The following CADM2 variants were observed in gnomAD, a reference collection of about 807,000 sequenced individuals.
The protein encoded by CADM2 is immunoglobulin superfamily member 4D.
Under a neutral mutation model 49.8 loss-of-function variants are expected in CADM2, and 12 were observed. The observed-to-expected ratio is 0.24, with a 90% CI of 0.15 to 0.39. The LOEUF (loss-of-function observed/expected upper bound fraction) is 0.39. Among genes scored for constraint, CADM2 ranks in the 10% least tolerant of loss-of-function variants. CADM2 has a pLI of 1.00. For missense variants in CADM2, 378 were observed against 492.3 expected, an observed-to-expected ratio of 0.77 and a Z score of 2.20; for synonymous variants, 214 against 175.4, an observed-to-expected ratio of 1.22 and a Z score of -1.74.
intron 1 of CADM2, among the ~76,000 whole-genome samples, chr3:85,162,771 C>T (rs562701372): frequency 6.6e-6 from 1 of 151,910 alleles, no homozygotes; most frequent in South Asian, 2.1e-4. Flanking sequence ...ATTTTAATTA[C>T]ACAACAGAAA....
At chr3:85,297,329 G>A (rs989450317) in intron 1 of CADM2, among the ~76,000 whole-genome samples, 1 of 152,076 alleles carries the variant, frequency 6.6e-6, no homozygotes, top group African/African-American at 2.4e-5. Context: ...TTGAAGGGTA[G>A]AGTGAACTCT....
chr3:85,955,581 G>T (rs189260176), intron 7 of CADM2, among the ~76,000 whole-genome samples: 6,025 of 151,606 alleles, frequency 0.04, 236 homozygotes, highest in East Asian at 0.13. Context: ...GAAAAGATTA[G>T]AAGTACTGTC....
At chr3:85,295,679 C>T (rs1395523684) in intron 1 of CADM2, among the ~76,000 whole-genome samples, 2 of 151,922 alleles carry the variant, frequency 1.3e-5, no homozygotes, top group Non-Finnish European at 2.9e-5. Flanking sequence ...TCTCAGTAAA[C>T]TATCGCAAGA....
rs529668289 is a variant in CADM2 at position 85,921,749 on chromosome 3, C to T, written c.700+9206C>T. On this transcript the variant is annotated intron_variant, in intron 6 of 9. Transcript: ENST00000383699. The stretch of plus-strand genomic sequence containing the variant: ...ACATGTGTATAATGTCATGTATCTA[C>T]TGTTATCTCTCTCTCTCTCTCTCTC... Among the ~76,000 whole-genome samples, 5 of 151,160 alleles carry T rather than the reference C, an allele frequency of 3.3e-5. No individual in the cohort carries two copies. The East Asian group carries it at 7.8e-4, about 23-fold the overall frequency.
At chr3:86,018,455 T>C (rs1302758080) in intron 8 of CADM2, among the ~76,000 whole-genome samples, 260 of 152,064 alleles carry the variant, frequency 1.7e-3, no homozygotes, top group Middle Eastern at 3.4e-3. Flanking sequence ...ATCGCCACAC[T>C]GACTTCCACA....
At chr3:85,046,799 T>A (rs2035676607) in intron 1 of CADM2, among the ~76,000 whole-genome samples, 1 of 152,084 alleles carries the variant, frequency 6.6e-6, no homozygotes. Flanking sequence ...ATCATGAAAA[T>A]ATATATTTTT....
chr3:85,338,629 A>T (rs1418524637), intron 1 of CADM2, among the ~76,000 whole-genome samples: 2 of 151,546 alleles, frequency 1.3e-5, no homozygotes, highest in African/African-American at 4.8e-5. Flanking sequence ...ATAATTGTTA[A>T]TTTCTTACAT....
intron 2 of CADM2, among the ~76,000 whole-genome samples, chr3:85,783,132 C>T (rs1354609644): frequency 6.6e-6 from 1 of 152,014 alleles, no homozygotes; most frequent in Non-Finnish European, 1.5e-5. Flanking sequence ...AAGAAATAAC[C>T]AGTTTTCTTA....
chr3:85,277,342 C>T (rs909495218), intron 1 of CADM2, among the ~76,000 whole-genome samples: 1 of 151,282 alleles, frequency 6.6e-6, no homozygotes, highest in Non-Finnish European at 1.5e-5. Flanking sequence ...CAATCTTCCT[C>T]TCCCTAAAAC....
At chr3:85,350,060 C>T (rs2031184130) in intron 1 of CADM2, among the ~76,000 whole-genome samples, 1 of 152,252 alleles carries the variant, frequency 6.6e-6, no homozygotes, top group East Asian at 1.9e-4. Context: ...ATAAATTATG[C>T]TTATGAAGAC....
In CADM2 at chr3:85,324,797, A is replaced by G. The variant is rs1339886961; in HGVS notation, c.61+365129A>G. Among the ~76,000 whole-genome samples, 6 of 152,304 alleles carry G rather than the reference A, an allele frequency of 3.9e-5. No individual in the cohort carries two copies. In the South Asian group the frequency reaches 1.0e-3, roughly 26 times the overall value. On this transcript the variant is annotated intron_variant, in intron 1 of 9. Transcript: ENST00000383699. ...TCACTTAAAACCACATCGTGTGGGT[A>G]TCTTCTCCCTATTGCAACTGTCCCA...
intron 1 of CADM2, among the ~76,000 whole-genome samples, chr3:85,279,320 T>C (rs1449684470): frequency 6.6e-6 from 1 of 151,636 alleles, no homozygotes; most frequent in African/African-American, 2.4e-5. Context: ...AGTGACTCTC[T>C]ATGCAAACAG....
At chr3:85,165,719 A>T (rs2040454392) in intron 1 of CADM2, among the ~76,000 whole-genome samples, 1 of 151,872 alleles carries the variant, frequency 6.6e-6, no homozygotes, top group African/African-American at 2.4e-5. Context: ...AAATGTGGGC[A>T]ACAGTCTATA....
intron 1 of CADM2, among the ~76,000 whole-genome samples, chr3:85,663,883 G>C (rs2065484139): frequency 6.6e-6 from 1 of 151,940 alleles, no homozygotes; most frequent in Admixed American, 6.6e-5. Flanking sequence ...TGCTACCTTA[G>C]ACTCATTGCA....
chr3:86,005,920 G>A (rs1221518506), intron 8 of CADM2, among the ~76,000 whole-genome samples: 2 of 152,030 alleles, frequency 1.3e-5, no homozygotes, highest in Non-Finnish European at 2.9e-5. Flanking sequence ...ATCTCCATGA[G>A]TTCAATTGTT....
chr3:85,835,556 A>C (rs1356917507), intron 3 of CADM2, among the ~76,000 whole-genome samples: 1 of 151,022 alleles, frequency 6.6e-6, no homozygotes, highest in Non-Finnish European at 1.5e-5. Flanking sequence ...GAGAACTGTA[A>C]TGCCTTTTGC....
intron 1 of CADM2, among the ~76,000 whole-genome samples, chr3:85,347,554 T>C (rs1559792487): frequency 6.9e-6 from 1 of 144,294 alleles, no homozygotes; most frequent in African/African-American, 2.6e-5. Context: ...TAAATATATA[T>C]ACACACATAT....
chr3:85,568,255 G>A (rs17023026), intron 1 of CADM2, among the ~76,000 whole-genome samples: 6,218 of 152,126 alleles, frequency 0.041, 425 homozygotes, highest in African/African-American at 0.14. Flanking sequence ...TTCACTCTGC[G>A]AAGTGGTACA....
chr3:85,731,983 C>T (rs1049865073), intron 2 of CADM2, among the ~76,000 whole-genome samples: 1 of 150,386 alleles, frequency 6.6e-6, no homozygotes, highest in African/African-American at 2.5e-5. Flanking sequence ...TGTGATGGCT[C>T]ACACCTGTGA....
Sources: gnomAD v4.1 joint callset for allele counts (sites outside exome capture counted in the v4.1 genomes callset) on GRCh38, gnomAD v4.1.1 for gene constraint, MANE v1.5 for transcripts, NCBI Gene and HGNC (gene_info 2026-07-23, HGNC 2026-07-21) for gene names.